Variants in FGF13 observed in about 807,000 individuals in gnomAD.
FGF13 encodes fibroblast growth factor homologous factor 2.
FGF13 carries 2 observed loss-of-function variants against 19.5 expected under a neutral mutation model. The ratio of observed to expected loss-of-function variants is 0.10; its 90% CI spans 0.04 to 0.32. FGF13 has a LOEUF of 0.32. Ranked by LOEUF, FGF13 falls within the 10% of genes least tolerant of loss-of-function variation. FGF13 has a pLI of 1.00. For missense variants in FGF13, 113 were observed against 192.7 expected (o/e 0.59, Z 2.45); for synonymous variants, 72 against 76.9 (o/e 0.94, Z 0.33).
At chrX:138,742,780 A>G (rs140811026), upstream of FGF13, among the ~76,000 whole-genome samples, 740 of 112,066 alleles carry the variant, frequency 6.6e-3, 2 homozygotes, top group Non-Finnish European at 0.01. Context: ...CCTGAGATTT[A>G]ATCATTTCCT....
intron 1 of FGF13, among the ~76,000 whole-genome samples, chrX:139,184,039 G>A (rs1192384022): frequency 8.9e-6 from 1 of 112,155 alleles, no homozygotes; most frequent in African/African-American, 3.2e-5. Context: ...ATTCTTCCCA[G>A]ACATCAGAAC....
chrX:139,158,096 T>A (rs2083994052), intron 1 of FGF13, among the ~76,000 whole-genome samples: 1 of 111,730 alleles, frequency 9.0e-6, no homozygotes. Context: ...GCCCTTCCCA[T>A]GGTATTCACA....
At chrX:138,984,588 A>AAGAAGAAGAAGAAGAAGAAGAAGG (rs2091982501) in intron 1 of FGF13, among the ~76,000 whole-genome samples, 1 of 11,515 alleles carries the variant, frequency 8.7e-5, no homozygotes, top group African/African-American at 2.8e-4. Flanking sequence ...GAAGAAGAAG[A>AAGAAGAAGAAGAAGAAGAAGAAGG]AGGAGGAGGA....
At chrX:138,647,219 GAAAAAA>G (rs10543925) in intron 3 of FGF13, among the ~76,000 whole-genome samples, 1 of 59,118 alleles carries the variant, frequency 1.7e-5, no homozygotes, top group Non-Finnish European at 3.3e-5. Context: ...CATCTCTGGG[GAAAAAA>G]AAAAAAAAAA....
rs1569436188 is a variant in FGF13 at position 138,984,589 on chromosome X, AG to A, written c.-112-119940del. Among the ~76,000 whole-genome samples, 131 of 16,997 alleles carry A rather than the reference AG, an allele frequency of 7.7e-3. 3 individuals are homozygous for A. Among genetic ancestry groups the A allele is most frequent in the East Asian group, 0.022 (11 of 501 alleles). 14.8% of individuals were successfully genotyped at this position (16,997 alleles called of 115,157 possible). ...AAGAAGAAGAAGAAGAAGAAGAAGAAGGAGGAGGAGGAGGAGGAGGAGGAGG... is the reference window on the plus strand; with the variant it reads ...AAGAAGAAGAAGAAGAAGAAGAAGAAGAGGAGGAGGAGGAGGAGGAGGAGG... On this transcript the variant is annotated intron_variant, in intron 1 of 2. Transcript: ENST00000421460.
At chrX:138,786,913 G>A (rs1264961073) in intron 3 of FGF13, among the ~76,000 whole-genome samples, 2 of 111,952 alleles carry the variant, frequency 1.8e-5, no homozygotes, top group Non-Finnish European at 3.8e-5. Flanking sequence ...AATGCAATAG[G>A]TCATTTTGGA....
At chrX:138,899,966 G>A (rs2091523704) in intron 1 of FGF13, among the ~76,000 whole-genome samples, 1 of 111,128 alleles carries the variant, frequency 9.0e-6, no homozygotes, top group African/African-American at 3.3e-5. Context: ...CTATGCGTGT[G>A]AGTATATGTG....
intron 1 of FGF13, among the ~76,000 whole-genome samples, chrX:138,918,147 C>G (rs974355866): frequency 6.2e-5 from 5 of 80,845 alleles, no homozygotes; most frequent in Non-Finnish European, 2.4e-5. Context: ...CAATTCTCTG[C>G]TTCTTTAAAC....
At chrX:139,147,896 G>GCAAAAA (rs954570526) in intron 1 of FGF13, among the ~76,000 whole-genome samples, 4 of 108,850 alleles carry the variant, frequency 3.7e-5, no homozygotes, top group African/African-American at 1.3e-4. Flanking sequence ...TAATGCATCT[G>GCAAAAA]CAAAAACAAA....
chrX:138,674,248 C>G (rs750942261), intron 3 of FGF13, among the ~76,000 whole-genome samples: 1 of 111,069 alleles, frequency 9.0e-6, no homozygotes. Context: ...CTATAGTTTT[C>G]TATTATTATC....
At chrX:139,134,210 CTA>C (rs1569456498) in intron 1 of FGF13, among the ~76,000 whole-genome samples, 1 of 111,603 alleles carries the variant, frequency 9.0e-6, no homozygotes, top group Non-Finnish European at 1.9e-5. Flanking sequence ...TGTACTAATA[CTA>C]TGTGTCCTAA....
chrX:139,069,761 T>C (rs964828821), intron 1 of FGF13, among the ~76,000 whole-genome samples: 3 of 111,928 alleles, frequency 2.7e-5, no homozygotes, highest in East Asian at 5.6e-4. Context: ...CAAAACAGCA[T>C]GGTACTGGCA....
chrX:138,675,546 T>G (rs1172565906), intron 3 of FGF13, among the ~76,000 whole-genome samples: 1 of 111,675 alleles, frequency 9.0e-6, no homozygotes, highest in Non-Finnish European at 1.9e-5. Flanking sequence ...TTGTATTTAT[T>G]ATATAAATGT....
At chrX:138,808,087 G>C (rs28791291) in intron 3 of FGF13, among the ~76,000 whole-genome samples, 1 of 111,103 alleles carries the variant, frequency 9.0e-6, no homozygotes, top group Admixed American at 9.6e-5. Context: ...TGCACCAAGC[G>C]GACCTAATAG....
chrX:139,156,852 G>A (rs1750061409), intron 1 of FGF13, among the ~76,000 whole-genome samples: 1 of 111,716 alleles, frequency 9.0e-6, no homozygotes, highest in Non-Finnish European at 1.9e-5. Flanking sequence ...AAATGTACCT[G>A]GTCCTTACGT....
In FGF13 at chrX:138,675,263, C is replaced by T. The variant is rs113299239; in HGVS notation, c.402+27721G>A. On this transcript the variant is annotated intron_variant, in intron 3 of 4. Coordinates refer to ENST00000315930, the MANE Select transcript of FGF13 (RefSeq NM_004114.5). ...CAAGCTAGACTTTGTACGATGCAAA[C>T]GCAGAGCTCATTTGTTGTAAAAAGC... 6.9e-3 allele frequency among the ~76,000 whole-genome samples: 772 copies of T among 112,147 alleles called. 5 individuals are homozygous for T. Among genetic ancestry groups the T allele is most frequent in the African/African-American group, 0.024 (742 of 30,921 alleles).
intron 3 of FGF13, among the ~76,000 whole-genome samples, chrX:138,827,617 G>A (rs2091042837): frequency 9.0e-6 from 1 of 111,245 alleles, no homozygotes; most frequent in Non-Finnish European, 1.9e-5. Flanking sequence ...TGAAACTCAG[G>A]AATCATTCTA....
chrX:138,775,348 C>T (rs758042967), intron 3 of FGF13, among the ~76,000 whole-genome samples: 1 of 112,269 alleles, frequency 8.9e-6, no homozygotes, highest in East Asian at 2.8e-4. Context: ...TCACCTACTA[C>T]TGATAAGGCC....
chrX:138,831,412 G>A (rs1265329048), intron 3 of FGF13, among the ~76,000 whole-genome samples: 2 of 111,360 alleles, frequency 1.8e-5, no homozygotes, highest in Non-Finnish European at 3.8e-5. Flanking sequence ...GGGTAGACTG[G>A]GCCCAGAAAA....
Sources: allele counts gnomAD v4.1 joint callset (sites outside exome capture counted in the v4.1 genomes callset), GRCh38; gene constraint gnomAD v4.1.1; transcripts MANE v1.5; gene names NCBI Gene and HGNC (gene_info 2026-07-23, HGNC 2026-07-21).